The following NPHP4 variants were observed in gnomAD, a reference collection of about 807,000 sequenced individuals.
NPHP4 encodes the protein nephrocystin 4.
A neutral mutation model predicts 155.8 loss-of-function variants in NPHP4; 151 were observed. That is an observed-to-expected ratio of 0.97 (90% CI 0.85 to 1.11). NPHP4 has a LOEUF of 1.11. Ranked by LOEUF, NPHP4 falls within the 50% of genes least tolerant of loss-of-function variation. The pLI is 0.00. For missense variants in NPHP4, 1,956 were observed against 1,925.7 expected (o/e 1.02, Z -0.29); for synonymous variants, 845 against 816.8 (o/e 1.03, Z -0.59).
chr1:5,938,678 G>A (rs1042999717), intron 9 of NPHP4, among the ~76,000 whole-genome samples: 4 of 152,198 alleles, frequency 2.6e-5, no homozygotes, highest in Admixed American at 6.5e-5. Flanking sequence ...AAAACAAAGC[G>A]CAGCTGGCTG....
At chr1:5,916,103 A>G (rs1200570145) in intron 11 of NPHP4, among the ~76,000 whole-genome samples, 1 of 152,228 alleles carries the variant, frequency 6.6e-6, no homozygotes, top group African/African-American at 2.4e-5. Context: ...ACACCACCAG[A>G]GGAACATTCA....
rs147796973 is a variant in NPHP4 at position 5,947,416 on chromosome 1, T to G, written c.993-186A>C. Among the ~76,000 whole-genome samples the G allele has an allele frequency of 3.1e-3, 475 of 152,324 alleles. 4 individuals carry two copies. The highest frequency in any genetic ancestry group is 0.011 in the African/African-American group (465 of 41,554). ...ATGATTCAGAAATTCCCCAAAACGC[T>G]GCTTTTTAAGAGATGGGGGTCTCAC... On this transcript the variant is annotated intron_variant, in intron 8 of 29. Coordinates refer to ENST00000378156, the MANE Select transcript of NPHP4 (RefSeq NM_015102.5).
At chr1:5,874,076 C>T (rs149806190) in intron 22 of NPHP4, among the ~76,000 whole-genome samples, 1 of 152,278 alleles carries the variant, frequency 6.6e-6, no homozygotes, top group Non-Finnish European at 1.5e-5. Flanking sequence ...CACGCATGCT[C>T]CCCGCACACA....
intron 8 of NPHP4, 107 bp from the exon 9 acceptor site, chr1:5,947,337 C>A: frequency 8.3e-7 from 1 of 1,208,388 alleles, no homozygotes; most frequent in Non-Finnish European, 1.2e-6. Flanking sequence ...CTGGGGGACA[C>A]AGGGGTGCTG....
At chr1:5,965,167 A>T (rs1432989342) in intron 5 of NPHP4, among the ~76,000 whole-genome samples, 11 of 151,742 alleles carry the variant, frequency 7.2e-5, no homozygotes, top group Admixed American at 7.2e-4. Context: ...TCCTGGCCTT[A>T]AGCAATCTGC....
chr1:5,879,440 C>G (rs1403931651), intron 19 of NPHP4: 2 of 465,684 alleles, frequency 4.3e-6, no homozygotes, highest in African/African-American at 2.0e-5. Flanking sequence ...TCTTTCTTTC[C>G]CAAGCTCCAT....
At chr1:5,988,055 A>AT (rs1307265375) in intron 1 of NPHP4, among the ~76,000 whole-genome samples, 1 of 152,252 alleles carries the variant, frequency 6.6e-6, no homozygotes, top group Admixed American at 6.5e-5. Flanking sequence ...GAAGGTCTGC[A>AT]TGACTCCGTG....
intron 16 of NPHP4, among the ~76,000 whole-genome samples, chr1:5,893,990 A>T (rs763990702): frequency 2.6e-5 from 4 of 152,224 alleles, no homozygotes; most frequent in African/African-American, 9.7e-5. Context: ...CCGTAGAGCG[A>T]GGATTATTAT....
rs1557625508 is a variant in NPHP4, at chr1:5,877,109, CGCCG to C, written c.2797_2800del (p.Arg933AlafsTer38). The C allele has an allele frequency of 1.3e-6, 2 of 1,579,908 alleles. No homozygotes were observed. The highest frequency in any genetic ancestry group is 2.7e-5 in the African/African-American group (2 of 74,418). On this transcript the variant is annotated frameshift_variant, in exon 20 of 30. Transcript: ENST00000378156. LOFTEE classifies it high-confidence loss of function. ...AACCCTTACCAACACGCTCGTCCCG[CGCCG>C]GCCCAAGTCTCCCCCGGCCTCCTGC...
At chr1:5,865,073 G>A in intron 27 of NPHP4, 29 bp downstream of exon 27, 1 of 1,608,284 alleles carries the variant, frequency 6.2e-7, no homozygotes, top group South Asian at 1.1e-5. Context: ...TTGGGGAGAG[G>A]CTCAGAACAG....
rs70977990 is a variant in NPHP4, at chr1:5,882,324, GCGCGCTTACCCAGCCATCTCTCAGTGA to G, written c.2486-2112_2486-2086del. On this transcript the variant is annotated intron_variant, in intron 18 of 29. Coordinates refer to ENST00000378156, the MANE Select transcript of NPHP4 (RefSeq NM_015102.5). The surrounding 1 kb of genome is among the most constrained non-coding windows in gnomAD (Gnocchi z 5.1). Reference sequence around the variant, plus strand: ...GCGCTTACCCAGCCATCTCTCAGTGGCGCGCTTACCCAGCCATCTCTCAGTGACGCGCTTACCCAGCCATCTCTCAGT... The same window carrying G: ...GCGCTTACCCAGCCATCTCTCAGTGGCGCGCTTACCCAGCCATCTCTCAGT... 1.4e-5 allele frequency: 2 copies of G among 143,660 alleles called. No individual in the cohort carries two copies. The highest frequency in any genetic ancestry group is 2.5e-5 in the African/African-American group (1 of 39,504). The allele number at this position is 143,660 out of a possible 1,614,324, so 8.9% of individuals were successfully genotyped here. A position where few individuals can be genotyped will look rare whatever the true frequency, so the allele number is the denominator to read the frequency against.
At chr1:5,880,064 ACCC>A in intron 19 of NPHP4, 47 bp downstream of exon 19, 2 of 1,606,958 alleles carry the variant, frequency 1.2e-6, no homozygotes, top group South Asian at 1.1e-5. Flanking sequence ...TCCACCTCTC[ACCC>A]ACCACTCACG....
chr1:5,932,251 A>G (rs990046492), intron 10 of NPHP4, among the ~76,000 whole-genome samples: 3 of 152,176 alleles, frequency 2.0e-5, no homozygotes, highest in Non-Finnish European at 2.9e-5. Context: ...TGCTCCATCA[A>G]TTGACTTTTC....
Position 5,905,852 on chromosome 1 carries a change from G to T in NPHP4, c.1612-69C>A. The T allele has an allele frequency of 7.0e-7, 1 of 1,424,088 alleles. No individual in the cohort carries two copies. The highest frequency in any genetic ancestry group is 9.6e-7 in the Non-Finnish European group (1 of 1,046,960). 88.2% of individuals were successfully genotyped at this position (1,424,088 alleles called of 1,614,324 possible). Reference sequence around the variant, plus strand: ...AACCCGTAACAACCAACGGTGCTCAGATCTAAGGGGATTCATCGATTAATT... The same window carrying T: ...AACCCGTAACAACCAACGGTGCTCATATCTAAGGGGATTCATCGATTAATT... On this transcript the variant is annotated intron_variant, in intron 13 of 29. Coordinates refer to ENST00000378156, the MANE Select transcript of NPHP4 (RefSeq NM_015102.5). The surrounding 1 kb of genome is among the most constrained non-coding windows in gnomAD (Gnocchi z 4.0).
chr1:5,982,928 G>A (rs1654938504), intron 2 of NPHP4, among the ~76,000 whole-genome samples: 1 of 152,090 alleles, frequency 6.6e-6, no homozygotes, highest in African/African-American at 2.4e-5. Flanking sequence ...CATTTTAATG[G>A]CCCAGCATAC....
At chr1:5,972,745 T>C (rs926875455) in intron 3 of NPHP4, among the ~76,000 whole-genome samples, 2 of 152,250 alleles carry the variant, frequency 1.3e-5, no homozygotes, top group African/African-American at 2.4e-5. Flanking sequence ...AATTTCTTTC[T>C]TTCTTTTTTT....
rs768694389 is a variant in NPHP4 at position 5,874,998 on chromosome 1, C to T, written c.2920G>A (p.Ala974Thr). The change falls in exon 21 of 30, where the codon GCC becomes ACC. Residue 974 changes from alanine to threonine, a missense_variant. By Grantham distance (58) the Ala-to-Thr change is moderately conservative. Coordinates refer to ENST00000378156, the MANE Select transcript of NPHP4 (RefSeq NM_015102.5). ...AESIASLLSL[A>T]ITTEHTLHAT... ...TGGAGCGTGTGCTCCGTGGTGATGG[C>T]CAGGCTCAGCAGGCTGGCGATGCTC... The T allele has an allele frequency of 2.5e-6, 4 of 1,612,252 alleles. No homozygotes were observed. In the South Asian group the frequency reaches 3.3e-5, roughly 13 times the overall value.
chr1:5,915,874 C>T (rs1472326344), intron 11 of NPHP4, among the ~76,000 whole-genome samples: 1 of 152,152 alleles, frequency 6.6e-6, no homozygotes, highest in Non-Finnish European at 1.5e-5. Context: ...GCCTTAGACT[C>T]TCCCCCACCA....
intron 5 of NPHP4, among the ~76,000 whole-genome samples, chr1:5,964,876 CATATAA>C (rs1263155756): frequency 6.5e-5 from 9 of 138,920 alleles, no homozygotes; most frequent in Non-Finnish European, 1.2e-4. Context: ...ATATAACACA[CATATAA>C]ATATACTATA....
Sources: allele counts gnomAD v4.1 joint callset (sites outside exome capture counted in the v4.1 genomes callset), GRCh38; gene constraint gnomAD v4.1.1; non-coding constraint Gnocchi (gnomAD v3.1); transcripts MANE v1.5; gene names NCBI Gene and HGNC (gene_info 2026-07-23, HGNC 2026-07-21).